Variants in ADGRB3 observed in about 807,000 individuals in gnomAD.
The protein encoded by ADGRB3 is brain-specific angiogenesis inhibitor 3.
A neutral mutation model predicts 193.4 loss-of-function variants in ADGRB3; 37 were observed. The observed-to-expected ratio is 0.19, with a 90% CI of 0.15 to 0.25. The LOEUF (loss-of-function observed/expected upper bound fraction) is 0.25, where lower values mean the gene tolerates loss of function less well. Among genes scored for constraint, ADGRB3 ranks in the 10% least tolerant of loss-of-function variants. The pLI is 1.00. For synonymous variants in ADGRB3, 690 were observed against 644.2 expected (o/e 1.07, Z -1.08); for missense variants, 1,637 against 1,852.9 (o/e 0.88, Z 2.14).
chr6:68,661,159 A>G (rs1256529773), intron 3 of ADGRB3, among the ~76,000 whole-genome samples: 2 of 149,776 alleles, frequency 1.3e-5, no homozygotes, highest in African/African-American at 4.9e-5. Context: ...ATTTATTTGT[A>G]TATTATATTA....
chr6:68,941,520 T>C (rs559741618), intron 5 of ADGRB3, among the ~76,000 whole-genome samples: 1 of 152,208 alleles, frequency 6.6e-6, no homozygotes, highest in Admixed American at 6.5e-5. Flanking sequence ...AATATGCCAA[T>C]TTAGCATCTT....
chr6:69,013,638 G>A (rs556557672), intron 11 of ADGRB3, among the ~76,000 whole-genome samples: 10 of 152,162 alleles, frequency 6.6e-5, no homozygotes, highest in African/African-American at 2.4e-4. Flanking sequence ...AAACAACATT[G>A]CAATAACAAC....
chr6:69,367,842 G>A (rs189750958), intron 29 of ADGRB3, among the ~76,000 whole-genome samples: 7 of 151,976 alleles, frequency 4.6e-5, no homozygotes, highest in Admixed American at 1.3e-4. Flanking sequence ...CATGTCCTTT[G>A]TAGGGACATG....
intron 3 of ADGRB3, among the ~76,000 whole-genome samples, chr6:68,650,951 G>A (rs1205936884): frequency 6.6e-6 from 1 of 152,112 alleles, no homozygotes; most frequent in Non-Finnish European, 1.5e-5. Flanking sequence ...TCTGCTGGAT[G>A]TTTTTGGAAA....
At chr6:69,171,669 C>A (rs969972392) in intron 17 of ADGRB3, among the ~76,000 whole-genome samples, 1 of 152,146 alleles carries the variant, frequency 6.6e-6, no homozygotes, top group African/African-American at 2.4e-5. Flanking sequence ...GGTGACTCAA[C>A]CTCATTCCCT....
chr6:68,980,483 C>CT (rs34002496), intron 10 of ADGRB3, among the ~76,000 whole-genome samples: 2 of 151,626 alleles, frequency 1.3e-5, no homozygotes, highest in South Asian at 4.1e-4. Context: ...ACATATCACA[C>CT]TTTTTTGGTC....
chr6:68,768,265 G>A (rs1766549717), intron 3 of ADGRB3, among the ~76,000 whole-genome samples: 1 of 152,068 alleles, frequency 6.6e-6, no homozygotes, highest in Non-Finnish European at 1.5e-5. Context: ...AAATCTGGAG[G>A]CATCACGCAA....
chr6:69,231,850 T>C (rs1766146947), intron 17 of ADGRB3, among the ~76,000 whole-genome samples: 1 of 152,190 alleles, frequency 6.6e-6, no homozygotes, highest in African/African-American at 2.4e-5. Context: ...AAGTCATAAA[T>C]ATTAATGATA....
chr6:69,315,068 G>C (rs1329449166), intron 20 of ADGRB3, among the ~76,000 whole-genome samples: 1 of 151,278 alleles, frequency 6.6e-6, no homozygotes, highest in African/African-American at 2.4e-5. Flanking sequence ...TATAATTTTT[G>C]TTTATTTATT....
At chr6:68,995,926 C>A (rs558479333) in intron 11 of ADGRB3, among the ~76,000 whole-genome samples, 1 of 152,256 alleles carries the variant, frequency 6.6e-6, no homozygotes, top group African/African-American at 2.4e-5. Flanking sequence ...CTACTTCCCA[C>A]AATTTTATAC....
intron 3 of ADGRB3, among the ~76,000 whole-genome samples, chr6:68,717,342 T>C (rs73463911): frequency 3.3e-5 from 5 of 151,824 alleles, no homozygotes; most frequent in African/African-American, 1.2e-4. Context: ...CCAATTCAAA[T>C]TATATTCAAT....
chr6:68,866,647 C>T (rs917207329), intron 3 of ADGRB3, among the ~76,000 whole-genome samples: 1 of 152,150 alleles, frequency 6.6e-6, no homozygotes, highest in Non-Finnish European at 1.5e-5. Context: ...TTCCTAGAGA[C>T]TTGTTGAATG....
intron 3 of ADGRB3, among the ~76,000 whole-genome samples, chr6:68,834,464 T>A (rs1768010531): frequency 6.6e-6 from 1 of 152,142 alleles, no homozygotes; most frequent in Admixed American, 6.6e-5. Context: ...TAATTTTCTA[T>A]AAAAAATCTA....
Position 69,210,797 on chromosome 6 carries a change from A to G in ADGRB3, c.2481-22493A>G, listed in dbSNP as rs1765647340. Among the ~76,000 whole-genome samples the G allele has an allele frequency of 3.3e-5, 5 of 152,134 alleles. No homozygotes were observed. In the South Asian group the frequency reaches 1.0e-3, roughly 31 times the overall value. On this transcript the variant is annotated intron_variant, in intron 17 of 31. Transcript: ENST00000370598. ...AACCATAGCACCCAGCTTCCCTGCCATTTTAATCTGCCTAGTCAATGAAAT... is the reference window on the plus strand; with the variant it reads ...AACCATAGCACCCAGCTTCCCTGCCGTTTTAATCTGCCTAGTCAATGAAAT...
At chr6:69,239,047 C>T in intron 19 of ADGRB3, 77 bp from the exon 20 acceptor site, 1 of 660,576 alleles carries the variant, frequency 1.5e-6, no homozygotes, top group South Asian at 2.7e-5. Flanking sequence ...AGATGAATGC[C>T]ATCAGTTTGC....
intron 3 of ADGRB3, among the ~76,000 whole-genome samples, chr6:68,643,931 G>GA (rs1226089996): frequency 0.023 from 2,503 of 107,810 alleles, 67 homozygotes; most frequent in African/African-American, 0.066. Flanking sequence ...GACTCTATCA[G>GA]AAAAAAAAAA....
intron 3 of ADGRB3, among the ~76,000 whole-genome samples, chr6:68,737,688 A>C (rs976329025): frequency 6.6e-6 from 1 of 152,152 alleles, no homozygotes; most frequent in African/African-American, 2.4e-5. Context: ...ATGTTCCTTT[A>C]TGAGCTTGTA....
At chr6:69,110,383 A>G (rs1015264123) in intron 17 of ADGRB3, among the ~76,000 whole-genome samples, 3 of 152,216 alleles carry the variant, frequency 2.0e-5, no homozygotes, top group South Asian at 2.1e-4. Context: ...TATCTCTAAT[A>G]TTAGTGAACA....
chr6:68,723,449 G>A (rs897654466), intron 3 of ADGRB3, among the ~76,000 whole-genome samples: 1 of 151,642 alleles, frequency 6.6e-6, no homozygotes, highest in Non-Finnish European at 1.5e-5. Flanking sequence ...GCTCACAGAG[G>A]GCAATCTTAT....
Sources: allele counts gnomAD v4.1 joint callset (sites outside exome capture counted in the v4.1 genomes callset), GRCh38; gene constraint gnomAD v4.1.1; transcripts MANE v1.5; gene names NCBI Gene and HGNC (gene_info 2026-07-23, HGNC 2026-07-21).